TNS1: variants seen among roughly 807,000 people sequenced by gnomAD.
The protein encoded by TNS1 is tensin 1.
Under a neutral mutation model 168.6 loss-of-function variants are expected in TNS1, and 62 were observed. That is an observed-to-expected ratio of 0.37 (90% CI 0.30 to 0.45). The LOEUF is 0.45. TNS1 is among the 20% of genes least tolerant of loss of function. The probability of loss-of-function intolerance (pLI) is 1.00; values close to 1 mark genes in which losing one functional copy is unlikely to be tolerated. For missense variants in TNS1, 2,240 were observed against 2,339.4 expected (o/e 0.96, Z 0.88); for synonymous variants, 934 against 933.2 (o/e 1.00, Z -0.02).
At position 218,033,669 on chromosome 2, in the gene TNS1, T is replaced by TC. The variant is rs1240105913; in HGVS notation, c.156+150dup. ...CCCTTCACCCGGTCGTGGTCCTTCC[T>TC]CCCCCTTGGTCCACCTGCCTTGCCG... On this transcript the variant is annotated intron_variant, in intron 1 of 1. Coordinates refer to the TNS1 transcript ENST00000649572. The surrounding 1 kb of genome is among the most constrained non-coding windows in gnomAD (Gnocchi z 4.3). 6.6e-6 allele frequency among the ~76,000 whole-genome samples: 1 copy of TC among 151,960 alleles called. No individual in the cohort carries two copies. Among genetic ancestry groups the TC allele is most frequent in the African/African-American group, 2.4e-5 (1 of 41,388 alleles).
At chr2:217,835,266 C>T in intron 20 of TNS1, 100 bp from the exon 21 acceptor site, 1 of 1,115,868 alleles carries the variant, frequency 9.0e-7, no homozygotes, top group African/African-American at 1.6e-5. Context: ...TAACCAGCCC[C>T]CACATCCCCT....
chr2:217,849,308 C>T (rs1187082775), intron 18 of TNS1, among the ~76,000 whole-genome samples: 1 of 152,180 alleles, frequency 6.6e-6, no homozygotes, highest in Non-Finnish European at 1.5e-5. Flanking sequence ...CAGGGCCGGG[C>T]AGTGGAGCCC....
rs1958456998 is a variant in TNS1 at position 217,995,704 on chromosome 2, G to A, written c.34-4648C>T. Among the ~76,000 whole-genome samples the A allele has an allele frequency of 1.3e-5, 2 of 152,084 alleles. No homozygotes were observed. Among genetic ancestry groups the A allele is most frequent in the African/African-American group, 4.8e-5 (2 of 41,414 alleles). ...TGCTGGCTGCAAAGGAACCTACTTA[G>A]GGAAAACTCAGGGGCAAAAGGAGAC... On this transcript the variant is annotated intron_variant, in intron 1 of 32. Transcript: ENST00000682258. The surrounding 1 kb of genome is among the most constrained non-coding windows in gnomAD (Gnocchi z 4.1).
At chr2:217,951,935 T>G (rs372261495) in intron 3 of TNS1, among the ~76,000 whole-genome samples, 23 of 152,372 alleles carry the variant, frequency 1.5e-4, no homozygotes, top group African/African-American at 5.3e-4. Flanking sequence ...CATCTGTCCC[T>G]CACCCCTTCA....
At chr2:217,980,192 G>A (rs541799163) in intron 2 of TNS1, among the ~76,000 whole-genome samples, 1 of 152,222 alleles carries the variant, frequency 6.6e-6, no homozygotes, top group East Asian at 1.9e-4. Context: ...CACCGGTGCT[G>A]AGCAAGGTTT....
chr2:217,882,501 A>G (rs543024456), intron 16 of TNS1, 90 bp from the exon 17 acceptor site: 2 of 715,214 alleles, frequency 2.8e-6, no homozygotes, highest in East Asian at 2.7e-5. Context: ...TTAAAATACC[A>G]TATATGTACA....
At chr2:218,022,427 C>T (rs1238360722) in intron 1 of TNS1, among the ~76,000 whole-genome samples, 1 of 152,198 alleles carries the variant, frequency 6.6e-6, no homozygotes, top group Non-Finnish European at 1.5e-5. Flanking sequence ...TTTCAAGACC[C>T]CTCTCTGCCC....
chr2:217,926,746 A>G (rs1575097089), intron 3 of TNS1, among the ~76,000 whole-genome samples: 1 of 152,140 alleles, frequency 6.6e-6, no homozygotes, highest in South Asian at 2.1e-4. Context: ...CCTCACAACC[A>G]CCCACGAGGC....
intron 18 of TNS1, among the ~76,000 whole-genome samples, chr2:217,871,080 A>G (rs1949731079): frequency 6.6e-6 from 1 of 152,090 alleles, no homozygotes; most frequent in Non-Finnish European, 1.5e-5. Context: ...AGCACACACT[A>G]AGATCCACCC....
chr2:217,927,560 T>G (rs1956095859), intron 3 of TNS1, among the ~76,000 whole-genome samples: 1 of 152,090 alleles, frequency 6.6e-6, no homozygotes, highest in African/African-American at 2.4e-5. Flanking sequence ...AGCAAGGATG[T>G]ATAGTCACAT....
intron 1 of TNS1, among the ~76,000 whole-genome samples, chr2:217,999,060 G>A (rs1052098069): frequency 1.3e-5 from 2 of 152,114 alleles, no homozygotes; most frequent in African/African-American, 2.4e-5. Context: ...TCCATCACAC[G>A]ACCTCCCCAA....
intron 18 of TNS1, among the ~76,000 whole-genome samples, chr2:217,864,775 T>C (rs1285377504): frequency 6.6e-6 from 1 of 152,240 alleles, no homozygotes; most frequent in Non-Finnish European, 1.5e-5. Context: ...TGAAACCATC[T>C]CTGCAAGTGA....
chr2:217,893,496 CT>C lies in TNS1; in HGVS notation c.659del (p.Lys220ArgfsTer26). On this transcript the variant is annotated frameshift_variant, in exon 10 of 33. Coordinates refer to ENST00000682258, the MANE Select transcript of TNS1 (RefSeq NM_001387777.1). LOFTEE classifies it high-confidence loss of function. ...PALEKICSIC[K>X]AMDTWLNADP... ...CTGCATTGAGCCATGTGTCCATGGC[CT>C]TACAGATGCTGCAGATCTTCTCCAG... 1 of 1,613,570 alleles carries C rather than the reference CT, an allele frequency of 6.2e-7. No individual in the cohort carries two copies. The highest frequency in any genetic ancestry group is 8.5e-7 in the Non-Finnish European group (1 of 1,179,792).
chr2:217,827,360 T>C (rs1943766263), intron 22 of TNS1, among the ~76,000 whole-genome samples: 1 of 152,216 alleles, frequency 6.6e-6, no homozygotes, highest in Non-Finnish European at 1.5e-5. Context: ...GGCATTTTTT[T>C]CTGAATTTCC....
rs1473709265 is a variant in TNS1 at position 217,818,129 on chromosome 2, G to T, written c.4203C>A (p.Ser1401Arg). Reference sequence around the variant, plus strand: ...CTCCGAGGTGACGGCCCAGGCTGGGGCTTCCAGGGCTGGCTATTGCATTGC... The same window carrying T: ...CTCCGAGGTGACGGCCCAGGCTGGGTCTTCCAGGGCTGGCTATTGCATTGC... ...LHSNAIASPG[S>R]PSLGRHLGGS... The change falls in exon 24 of 33, where the codon AGC becomes AGA. Residue 1401 changes from serine (S) to arginine (R), a missense_variant. This residue lies in a region of TNS1 where 2,131 missense variants were observed against 2,171.2 expected (regional missense o/e 0.98). Transcript: ENST00000682258. The T allele has an allele frequency of 2.5e-6, 4 of 1,613,846 alleles. No individual in the cohort carries two copies. The highest frequency in any genetic ancestry group is 3.4e-6 in the Non-Finnish European group (4 of 1,179,978).
upstream of TNS1, among the ~76,000 whole-genome samples, chr2:218,005,578 T>C (rs180989489): frequency 9.8e-5 from 15 of 152,332 alleles, no homozygotes; most frequent in Non-Finnish European, 2.1e-4. Flanking sequence ...GTTCCAGGCT[T>C]GTCAGCCTTT....
chr2:217,899,548 T>A (rs1160593339), intron 7 of TNS1, among the ~76,000 whole-genome samples: 1 of 152,134 alleles, frequency 6.6e-6, no homozygotes, highest in African/African-American at 2.4e-5. Flanking sequence ...GAAACTAGAA[T>A]GTCAGAAAAA....
chr2:217,923,861 A>G (rs892146284), intron 3 of TNS1, among the ~76,000 whole-genome samples: 4 of 152,186 alleles, frequency 2.6e-5, no homozygotes, highest in African/African-American at 9.7e-5. Context: ...TGAGCATGGT[A>G]GCCTCCCAGA....
chr2:217,805,534 CCA>C (rs1938592921), intron 32 of TNS1, among the ~76,000 whole-genome samples: 1 of 28,890 alleles, frequency 3.5e-5, no homozygotes. Flanking sequence ...ACCACACACA[CCA>C]CACACACCAC....
Sources: allele counts gnomAD v4.1 joint callset (sites outside exome capture counted in the v4.1 genomes callset), GRCh38; gene constraint gnomAD v4.1.1; regional missense constraint gnomAD v4.1.1; non-coding constraint Gnocchi (gnomAD v3.1); transcripts MANE v1.5; gene names NCBI Gene and HGNC (gene_info 2026-07-23, HGNC 2026-07-21).